Variants in CDADC1 observed in about 807,000 individuals in gnomAD.
CDADC1 encodes the protein cytidine and dCMP deaminase domain containing 1.
CDADC1 carries 39 observed loss-of-function variants against 54.9 expected under a neutral mutation model. That is an observed-to-expected ratio of 0.71 (90% confidence interval 0.55 to 0.93). The LOEUF is 0.93. Ranked by LOEUF, CDADC1 falls within the 40% of genes least tolerant of loss-of-function variation. The pLI is 0.00. For synonymous variants in CDADC1, 186 were observed against 204.0 expected (o/e 0.91, Z 0.75); for missense variants, 518 against 618.8 (o/e 0.84, Z 1.73).
At chr13:49,283,341 G>GT (rs1373418385) in intron 8 of CDADC1, among the ~76,000 whole-genome samples, 4 of 151,998 alleles carry the variant, frequency 2.6e-5, no homozygotes, top group Non-Finnish European at 4.4e-5. Flanking sequence ...AAATGAGGGG[G>GT]TGTTGACATG....
chr13:49,250,026 AG>A, intron 2 of CDADC1, among the ~76,000 whole-genome samples: 2 of 152,212 alleles, frequency 1.3e-5, no homozygotes, highest in South Asian at 4.1e-4. Context: ...AGGTAAAATG[AG>A]GGGGGTGGGG....
At chr13:49,265,529 A>G (rs1952795662) in intron 4 of CDADC1, among the ~76,000 whole-genome samples, 2 of 152,158 alleles carry the variant, frequency 1.3e-5, no homozygotes, top group African/African-American at 4.8e-5. Flanking sequence ...TCCTTTTACT[A>G]TTAATCCAAA....
At chr13:49,280,311 G>A (rs1953282643) in intron 7 of CDADC1, among the ~76,000 whole-genome samples, 198 bp from the exon 8 acceptor site, 1 of 152,008 alleles carries the variant, frequency 6.6e-6, no homozygotes, top group South Asian at 2.1e-4. Flanking sequence ...TCATGTTCAG[G>A]TTGTATCATA....
At chr13:49,263,888 A>G (rs1952747940) in intron 4 of CDADC1, among the ~76,000 whole-genome samples, 4 of 152,250 alleles carry the variant, frequency 2.6e-5, no homozygotes. Flanking sequence ...ACAAGAGCGA[A>G]GACCTGTTAA....
At chr13:49,254,491 C>G (rs1157159093) in intron 2 of CDADC1, among the ~76,000 whole-genome samples, 2 of 151,102 alleles carry the variant, frequency 1.3e-5, no homozygotes. Flanking sequence ...CAACCTCCAT[C>G]TCCCGGGTTC....
chr13:49,292,102 G>A lies in CDADC1; in HGVS notation c.*345G>A. 9.5e-7 allele frequency: 1 copy of A among 1,049,970 alleles called. No homozygotes were observed. The highest frequency in any genetic ancestry group is 1.2e-6 in the Non-Finnish European group (1 of 869,022). The allele number at this position is 1,049,970 out of a possible 1,614,324, so 65.0% of individuals were successfully genotyped here. On this transcript the variant is annotated 3_prime_UTR_variant, in exon 10 of 10. Transcript: ENST00000251108. ...CTTCACAAGAGGTCATGCCTCTGCA[G>A]GGAATCACACACCTTTTGAGAAATA...
chr13:49,280,920 G>A (rs1953309750), intron 8 of CDADC1, among the ~76,000 whole-genome samples: 2 of 151,344 alleles, frequency 1.3e-5, no homozygotes, highest in Admixed American at 1.3e-4. Flanking sequence ...TGCAGACTCC[G>A]CCTCCTGGGT....
At position 49,274,165 on chromosome 13, in the gene CDADC1, A is replaced by C. The variant is rs532299206; in HGVS notation, c.1001-126A>C. 4 of 666,464 alleles carry C rather than the reference A, an allele frequency of 6.0e-6. No individual in the cohort carries two copies. In the African/African-American group the frequency reaches 7.4e-5, roughly 12 times the overall value. The allele number at this position is 666,464 out of a possible 1,614,324, so 41.3% of individuals were successfully genotyped here. ...TAATACTTTTCTGTAATTAGTGAAG[A>C]TACAAGGATTGCTGCTACATTTATG... On this transcript the variant is annotated intron_variant, in intron 5 of 9. Coordinates refer to ENST00000251108, the MANE Select transcript of CDADC1 (RefSeq NM_030911.4).
intron 4 of CDADC1, among the ~76,000 whole-genome samples, chr13:49,260,544 T>A (rs569591967): frequency 1.6e-4 from 24 of 152,364 alleles, no homozygotes; most frequent in African/African-American, 5.5e-4. Flanking sequence ...ACTGGGCAGC[T>A]GTCTTTCAGT....
chr13:49,265,747 T>C (rs1042221476), intron 4 of CDADC1: 2 of 599,970 alleles, frequency 3.3e-6, no homozygotes, highest in Non-Finnish European at 2.3e-6. Context: ...AATAAAAGCT[T>C]TTTGGAGTCC....
intron 6 of CDADC1, among the ~76,000 whole-genome samples, chr13:49,276,002 C>T (rs911672755): frequency 5.9e-5 from 9 of 151,730 alleles, no homozygotes; most frequent in South Asian, 2.1e-4. Context: ...CTCTTGACTT[C>T]GTGATCCACC....
Position 49,257,798 on chromosome 13 carries a change from C to T in CDADC1, c.253-1548C>T, listed in dbSNP as rs186289361. ...AATCAATCAATCAGTCCAGCCTGGG[C>T]GACAGAGTGAGACTCTGTCTCAAAT... On this transcript the variant is annotated intron_variant, in intron 3 of 9. Transcript: ENST00000251108. Among the ~76,000 whole-genome samples, 311 of 152,150 alleles carry T rather than the reference C, an allele frequency of 2.0e-3. 1 individual carries two copies. The highest frequency in any genetic ancestry group is 6.9e-3 in the African/African-American group (286 of 41,502).
intron 8 of CDADC1, 107 bp downstream of exon 8, chr13:49,280,805 A>AATTATTATTATTATTATTATTATT (rs10626538): frequency 1.8e-5 from 4 of 228,276 alleles, no homozygotes; most frequent in African/African-American, 7.3e-5. Context: ...AGTTTCAACA[A>AATTATTATTATTATTATTATTATT]ATTATTATTA....
At chr13:49,251,913 A>G (rs1049231842) in intron 2 of CDADC1, among the ~76,000 whole-genome samples, 2 of 152,228 alleles carry the variant, frequency 1.3e-5, no homozygotes. Flanking sequence ...TCTGGTGGGC[A>G]CCATGGAAGT....
intron 7 of CDADC1, 102 bp from the exon 8 acceptor site, chr13:49,280,407 C>A: frequency 4.1e-6 from 2 of 490,170 alleles, no homozygotes; most frequent in Non-Finnish European, 3.4e-6. Context: ...TGTCATAAAT[C>A]TGTTTTTAAA....
chr13:49,274,732 C>T lies in CDADC1; in HGVS notation c.1050+392C>T, dbSNP rs570521269. On this transcript the variant is annotated intron_variant, in intron 6 of 9. Coordinates refer to ENST00000251108, the MANE Select transcript of CDADC1 (RefSeq NM_030911.4). ...ATTTATGAAGATCTATAAAGATTTGCTCATCCCTCAACAGTTTTCTAGATA... is the reference window on the plus strand; with the variant it reads ...ATTTATGAAGATCTATAAAGATTTGTTCATCCCTCAACAGTTTTCTAGATA... Among the ~76,000 whole-genome samples, 7 of 152,112 alleles carry T rather than the reference C, an allele frequency of 4.6e-5. No individual in the cohort carries two copies. In the East Asian group the frequency reaches 1.2e-3, roughly 25 times the overall value.
At chr13:49,266,833 G>A (rs1289018975) in intron 4 of CDADC1, among the ~76,000 whole-genome samples, 1 of 152,120 alleles carries the variant, frequency 6.6e-6, no homozygotes, top group African/African-American at 2.4e-5. Flanking sequence ...CTGTGGAGAG[G>A]AACATTTTTA....
intron 4 of CDADC1, among the ~76,000 whole-genome samples, chr13:49,262,216 G>A (rs1337581836): frequency 6.6e-6 from 1 of 152,196 alleles, no homozygotes; most frequent in East Asian, 1.9e-4. Context: ...GCTGAGGCAA[G>A]TGGATTGCTT....
At chr13:49,282,236 G>GTTTTTTTTT (rs759792512) in intron 8 of CDADC1, among the ~76,000 whole-genome samples, 1 of 94,146 alleles carries the variant, frequency 1.1e-5, no homozygotes, top group Admixed American at 1.2e-4. Context: ...GTTTTTGTGG[G>GTTTTTTTTT]TTTTTTTTTT....
Sources: allele counts gnomAD v4.1 joint callset (sites outside exome capture counted in the v4.1 genomes callset), GRCh38; gene constraint gnomAD v4.1.1; transcripts MANE v1.5; gene names NCBI Gene and HGNC (gene_info 2026-07-23, HGNC 2026-07-21).